The following GABRA3 variants were observed in gnomAD, a reference collection of about 807,000 sequenced individuals.
GABRA3 encodes the protein gamma-aminobutyric acid type A receptor subunit alpha3, also known as gamma-aminobutyric acid receptor subunit alpha-3.
A neutral mutation model predicts 30.1 loss-of-function variants in GABRA3; 10 were observed. The observed-to-expected ratio is 0.33, with a 90% CI of 0.20 to 0.56. The LOEUF (loss-of-function observed/expected upper bound fraction) is 0.56. Ranked by LOEUF, GABRA3 falls within the 20% of genes least tolerant of loss-of-function variation. GABRA3 has a pLI of 0.89. For synonymous variants in GABRA3, 151 were observed against 146.8 expected (o/e 1.03, Z -0.21); for missense variants, 233 against 392.0 (o/e 0.59, Z 3.42).
chrX:152,445,428 C>A (rs1931064111), intron 1 of GABRA3, among the ~76,000 whole-genome samples: 1 of 110,910 alleles, frequency 9.0e-6, no homozygotes, highest in African/African-American at 3.3e-5. Context: ...ACCTAATATC[C>A]AACTTTACTA....
At chrX:152,383,772 AG>A (rs1308339302) in intron 1 of GABRA3, among the ~76,000 whole-genome samples, 1 of 110,174 alleles carries the variant, frequency 9.1e-6, no homozygotes, top group East Asian at 2.8e-4. Context: ...AAAAGTTAAA[AG>A]TTTTTCCTCT....
At chrX:152,351,828 C>T (rs745770523) in intron 2 of GABRA3, among the ~76,000 whole-genome samples, 1 of 111,024 alleles carries the variant, frequency 9.0e-6, no homozygotes, top group South Asian at 3.8e-4. Context: ...TCACTTAACA[C>T]TTAGAGGCTA....
chrX:152,425,757 A>G (rs768534991), intron 1 of GABRA3, among the ~76,000 whole-genome samples: 1 of 109,799 alleles, frequency 9.1e-6, no homozygotes, highest in East Asian at 2.9e-4. Flanking sequence ...CCTGGAGGAG[A>G]GCTGTCCTTA....
chrX:152,190,907 C>T (rs772881347), intron 8 of GABRA3, among the ~76,000 whole-genome samples: 192 of 107,543 alleles, frequency 1.8e-3, no homozygotes, highest in Non-Finnish European at 3.2e-3. Context: ...TTGTGATTAA[C>T]GGTATAAGCT....
intron 5 of GABRA3, among the ~76,000 whole-genome samples, chrX:152,238,093 A>G (rs1358116050): frequency 9.3e-6 from 1 of 107,718 alleles, no homozygotes; most frequent in Non-Finnish European, 1.9e-5. Context: ...GAATGCTTCC[A>G]GTTTTTGCCT....
intron 1 of GABRA3, among the ~76,000 whole-genome samples, chrX:152,437,313 T>C (rs964247054): frequency 8.9e-6 from 1 of 112,084 alleles, no homozygotes; most frequent in African/African-American, 3.2e-5. Context: ...AAAATATGTA[T>C]ATGATATCTT....
intron 9 of GABRA3, among the ~76,000 whole-genome samples, chrX:152,174,153 G>C (rs1937041202): frequency 1.8e-5 from 2 of 110,928 alleles, no homozygotes; most frequent in Admixed American, 1.9e-4. Flanking sequence ...GTATTCCATG[G>C]TGTATATGTG....
chrX:152,445,053 TC>T (rs1354831891), intron 1 of GABRA3, among the ~76,000 whole-genome samples: 2 of 40,290 alleles, frequency 5.0e-5, no homozygotes, highest in East Asian at 2.2e-3. Flanking sequence ...AGAGTGAGAC[TC>T]CGTCTCAAAA....
In GABRA3 at chrX:152,245,231, C is replaced by T. The variant is rs146747785; in HGVS notation, c.551+10547G>A. ...CCTACTCTGAACTCTTAGGAATGCT[C>T]TCTCTAAGGACAAATAACACTGCTT... On this transcript the variant is annotated intron_variant, in intron 5 of 9. Coordinates refer to ENST00000370314, the MANE Select transcript of GABRA3 (RefSeq NM_000808.4). 9.9e-5 allele frequency among the ~76,000 whole-genome samples: 11 copies of T among 111,131 alleles called. No homozygotes were observed. In the East Asian group the frequency reaches 3.1e-3, roughly 32 times the overall value.
chrX:152,175,805 C>T (rs1160805299), intron 9 of GABRA3, among the ~76,000 whole-genome samples: 3 of 111,157 alleles, frequency 2.7e-5, no homozygotes, highest in Non-Finnish European at 3.8e-5. Flanking sequence ...TGCCTCACGC[C>T]TGTAATCCCA....
intron 5 of GABRA3, among the ~76,000 whole-genome samples, chrX:152,244,318 G>T (rs1938428019): frequency 8.9e-6 from 1 of 111,912 alleles, no homozygotes; most frequent in Admixed American, 9.5e-5. Context: ...TTAAAATGTT[G>T]AAATATTAAT....
chrX:152,200,836 G>C lies in GABRA3; in HGVS notation c.779-3051C>G, dbSNP rs6627215. Reference sequence around the variant, plus strand: ...AATTAACCATTTGTTTTGAATAACTGACTCAAAATGGTTGAACACATTGAT... The same window carrying C: ...AATTAACCATTTGTTTTGAATAACTCACTCAAAATGGTTGAACACATTGAT... On this transcript the variant is annotated intron_variant, in intron 7 of 9. Coordinates refer to ENST00000370314, the MANE Select transcript of GABRA3 (RefSeq NM_000808.4). Among the ~76,000 whole-genome samples, 53 of 112,375 alleles carry C rather than the reference G, an allele frequency of 4.7e-4. 3 individuals carry two copies. The East Asian group carries it at 6.4e-3, about 14-fold the overall frequency.
chrX:152,184,071 C>A (rs932657322), intron 9 of GABRA3, among the ~76,000 whole-genome samples: 17 of 109,964 alleles, frequency 1.5e-4, no homozygotes, highest in Admixed American at 2.0e-4. Flanking sequence ...TTTATTTTGG[C>A]AATTCTTTTT....
At chrX:152,311,712 A>T (rs898507204) in intron 3 of GABRA3, among the ~76,000 whole-genome samples, 1 of 111,667 alleles carries the variant, frequency 9.0e-6, no homozygotes, top group Non-Finnish European at 1.9e-5. Context: ...GCAATCGGGC[A>T]AAAGAAGGAA....
At chrX:152,358,068 G>GT (rs1057000221) in intron 2 of GABRA3, among the ~76,000 whole-genome samples, 2 of 89,357 alleles carry the variant, frequency 2.2e-5, no homozygotes, top group Admixed American at 1.1e-4. Flanking sequence ...TTTTAAAATA[G>GT]TTTTTTTCTA....
intron 5 of GABRA3, among the ~76,000 whole-genome samples, chrX:152,231,190 T>C (rs1454792240): frequency 9.3e-6 from 1 of 107,635 alleles, no homozygotes; most frequent in Admixed American, 1.0e-4. Context: ...CATATGTATA[T>C]ATACACATAT....
rs1232493116 is a variant in GABRA3 at position 152,219,017 on chromosome X, ATGT to A, written c.634+5743_634+5745del. Among the ~76,000 whole-genome samples, 5 of 110,921 alleles carry A rather than the reference ATGT, an allele frequency of 4.5e-5. No individual in the cohort carries two copies. In the Admixed American group the frequency reaches 4.8e-4, roughly 11 times the overall value. On this transcript the variant is annotated intron_variant, in intron 6 of 9. Coordinates refer to ENST00000370314, the MANE Select transcript of GABRA3 (RefSeq NM_000808.4). ...ATAATTTAAATCACTCTCCTTCTTGATGTACTTTATTTGGCCTCCAGGACAACA... is the reference window on the plus strand; with the variant it reads ...ATAATTTAAATCACTCTCCTTCTTGAACTTTATTTGGCCTCCAGGACAACA...
At chrX:152,212,652 T>C (rs1937646287) in intron 6 of GABRA3, among the ~76,000 whole-genome samples, 1 of 111,802 alleles carries the variant, frequency 8.9e-6, no homozygotes, top group Non-Finnish European at 1.9e-5. Flanking sequence ...CATAATATAC[T>C]AGACAGTGGG....
In GABRA3 at chrX:152,269,666, G is replaced by A. The variant is rs5925151; in HGVS notation, c.331-13668C>T. On this transcript the variant is annotated intron_variant, in intron 4 of 9. Transcript: ENST00000370314. The stretch of plus-strand genomic sequence containing the variant: ...GATACATAGACTAATGGAACAGAAT[G>A]GAGAACCCAGATATAAATCCACACA... 8.1e-3 allele frequency among the ~76,000 whole-genome samples: 909 copies of A among 111,716 alleles called. 7 individuals carry two copies. The highest frequency in any genetic ancestry group is 0.012 in the Non-Finnish European group (633 of 53,118).
Sources: allele counts gnomAD v4.1 joint callset (sites outside exome capture counted in the v4.1 genomes callset), GRCh38; gene constraint gnomAD v4.1.1; transcripts MANE v1.5; gene names NCBI Gene and HGNC (gene_info 2026-07-23, HGNC 2026-07-21).